The following RBFOX1 variants were observed in gnomAD, a reference collection of about 807,000 sequenced individuals.
The protein encoded by RBFOX1 is RNA binding protein fox-1 homolog 1.
RBFOX1 carries 8 observed loss-of-function variants against 57.7 expected under a neutral mutation model. The observed-to-expected ratio is 0.14, with a 90% CI of 0.08 to 0.25. RBFOX1 has a LOEUF of 0.25. RBFOX1 is among the 10% of genes least tolerant of loss of function. The pLI is 1.00. For synonymous variants in RBFOX1, 326 were observed against 222.4 expected (o/e 1.47, Z -4.15); for missense variants, 611 against 548.5 (o/e 1.11, Z -1.14).
intron 3 of RBFOX1, among the ~76,000 whole-genome samples, chr16:6,819,416 A>G (rs901563635): frequency 6.6e-6 from 1 of 152,218 alleles, no homozygotes; most frequent in African/African-American, 2.4e-5. Context: ...GGTCATCTTC[A>G]GAAACCAAAA....
chr16:5,504,681 C>T (rs1457144724), intron 2 of RBFOX1, among the ~76,000 whole-genome samples: 1 of 152,228 alleles, frequency 6.6e-6, no homozygotes, highest in Non-Finnish European at 1.5e-5. Flanking sequence ...ATTTGCTAGA[C>T]ACCAGACACT....
At chr16:6,982,232 G>C (rs973340373) in intron 3 of RBFOX1, among the ~76,000 whole-genome samples, 1 of 152,142 alleles carries the variant, frequency 6.6e-6, no homozygotes, top group Non-Finnish European at 1.5e-5. Context: ...CAGGTACCCG[G>C]GGAGAAATGT....
At chr16:6,068,629 A>G (rs1292894845) in intron 1 of RBFOX1, among the ~76,000 whole-genome samples, 5 of 152,168 alleles carry the variant, frequency 3.3e-5, no homozygotes, top group African/African-American at 9.7e-5. Context: ...TCATCCCAGC[A>G]CCTGGACCCA....
intron 3 of RBFOX1, among the ~76,000 whole-genome samples, chr16:5,721,081 TA>T (rs2051913655): frequency 6.6e-6 from 1 of 152,228 alleles, no homozygotes. Flanking sequence ...TTCATTTATT[TA>T]GGTTCCTTTA....
In RBFOX1 at chr16:6,667,811, C is replaced by T. The variant is rs548333063; in HGVS notation, c.-16+13161C>T. ...GGCTTAAGGAGAAGGATCTCTGGAGCCCAGGAGTTCGAGGCTGCAGTGACC... is the reference window on the plus strand; with the variant it reads ...GGCTTAAGGAGAAGGATCTCTGGAGTCCAGGAGTTCGAGGCTGCAGTGACC... On this transcript the variant is annotated intron_variant, in intron 3 of 15. Coordinates refer to ENST00000550418, the MANE Select transcript of RBFOX1 (RefSeq NM_018723.4). 1.5e-4 allele frequency among the ~76,000 whole-genome samples: 23 copies of T among 152,082 alleles called. No homozygotes were observed. In the South Asian group the frequency reaches 4.8e-3, roughly 32 times the overall value.
chr16:6,443,385 C>T (rs1057397480), intron 2 of RBFOX1, among the ~76,000 whole-genome samples: 4 of 146,360 alleles, frequency 2.7e-5, no homozygotes, highest in African/African-American at 1.1e-4. Flanking sequence ...TTCTGTTGCT[C>T]ATTTTCCCAT....
At chr16:6,763,870 A>G (rs1413623957) in intron 3 of RBFOX1, among the ~76,000 whole-genome samples, 1 of 152,166 alleles carries the variant, frequency 6.6e-6, no homozygotes, top group African/African-American at 2.4e-5. Context: ...TTTCATTTGC[A>G]TATTGAAGTG....
chr16:7,298,613 G>C (rs937888552), intron 4 of RBFOX1, among the ~76,000 whole-genome samples: 6 of 152,118 alleles, frequency 3.9e-5, no homozygotes, highest in Non-Finnish European at 5.9e-5. Flanking sequence ...TATAAGTTTT[G>C]ATTCCCCCAA....
At chr16:7,599,969 T>A (rs371948288) in intron 9 of RBFOX1, among the ~76,000 whole-genome samples, 4 of 152,078 alleles carry the variant, frequency 2.6e-5, no homozygotes, top group African/African-American at 9.7e-5. Flanking sequence ...AGTAACAAAA[T>A]CTTGTGACCA....
At chr16:7,477,222 G>C (rs2062918531) in intron 4 of RBFOX1, among the ~76,000 whole-genome samples, 1 of 152,172 alleles carries the variant, frequency 6.6e-6, no homozygotes, top group African/African-American at 2.4e-5. Flanking sequence ...GGGTTGTTCA[G>C]GGTAGAAATA....
intron 1 of RBFOX1, among the ~76,000 whole-genome samples, chr16:6,052,804 T>TATTATAATAATAATAATA (rs1555488785): frequency 2.1e-5 from 3 of 144,238 alleles, no homozygotes; most frequent in Non-Finnish European, 4.5e-5. Flanking sequence ...TAAAATAAAA[T>TATTATAATAATAATAATA]ATAATAATAA....
intron 3 of RBFOX1, among the ~76,000 whole-genome samples, chr16:6,925,533 AT>A: frequency 6.6e-6 from 1 of 151,608 alleles, no homozygotes; most frequent in Non-Finnish European, 1.5e-5. Context: ...GGGGGCAGGG[AT>A]TTTGATCTAT....
At chr16:5,785,038 A>G (rs1014206871) in intron 3 of RBFOX1, among the ~76,000 whole-genome samples, 3 of 152,222 alleles carry the variant, frequency 2.0e-5, no homozygotes, top group African/African-American at 7.2e-5. Context: ...CTTTTGTGTC[A>G]ACATTGTTAG....
At chr16:7,608,615 A>T (rs2056816091) in intron 10 of RBFOX1, among the ~76,000 whole-genome samples, 1 of 152,198 alleles carries the variant, frequency 6.6e-6, no homozygotes, top group African/African-American at 2.4e-5. Flanking sequence ...AACCATGCCT[A>T]CACAGCTCGG....
chr16:5,993,384 T>TGTGTGTGA (rs1475287832), intron 4 of RBFOX1, among the ~76,000 whole-genome samples: 208 of 71,256 alleles, frequency 2.9e-3, no homozygotes, highest in African/African-American at 0.011. Flanking sequence ...TGTGTGTGTG[T>TGTGTGTGA]GAGAGAGAGA....
chr16:7,313,943 C>G (rs8063175), intron 4 of RBFOX1, among the ~76,000 whole-genome samples: 1,654 of 152,226 alleles, frequency 0.011, 23 homozygotes, highest in African/African-American at 0.037. Flanking sequence ...AAGAATAGCT[C>G]CAATTGATGG....
At chr16:5,365,115 C>T (rs1246771218) in intron 1 of RBFOX1, among the ~76,000 whole-genome samples, 1 of 152,126 alleles carries the variant, frequency 6.6e-6, no homozygotes, top group Non-Finnish European at 1.5e-5. Context: ...CTGTGGGCAG[C>T]TGGCACCCAG....
chr16:7,661,226 G>A (rs1464547529), intron 12 of RBFOX1, among the ~76,000 whole-genome samples: 3 of 152,132 alleles, frequency 2.0e-5, no homozygotes, highest in Admixed American at 6.5e-5. Flanking sequence ...TAGATCACTC[G>A]TCCTTTCCAT....
At chr16:7,085,466 C>T (rs1300455369) in intron 4 of RBFOX1, among the ~76,000 whole-genome samples, 2 of 152,094 alleles carry the variant, frequency 1.3e-5, no homozygotes, top group Admixed American at 6.5e-5. Flanking sequence ...ATGAACTGCA[C>T]CGTCAGGGTA....
Sources: allele counts gnomAD v4.1 joint callset (sites outside exome capture counted in the v4.1 genomes callset), GRCh38; gene constraint gnomAD v4.1.1; transcripts MANE v1.5; gene names NCBI Gene and HGNC (gene_info 2026-07-23, HGNC 2026-07-21).